ADGRE2: variants seen among roughly 807,000 people sequenced by gnomAD.
ADGRE2 encodes CD97 antigen.
In ADGRE2, 83 loss-of-function variants were observed where a neutral mutation model predicts 100.8. That is an observed-to-expected ratio of 0.82 (90% CI 0.69 to 0.99). The LOEUF (loss-of-function observed/expected upper bound fraction) is 0.99. Ranked by LOEUF, ADGRE2 falls within the 50% of genes least tolerant of loss-of-function variation. The pLI is 0.00. For missense variants in ADGRE2, 814 were observed against 1,035.7 expected, an observed-to-expected ratio of 0.79 and a Z score of 2.94; for synonymous variants, 355 against 413.0, an observed-to-expected ratio of 0.86 and a Z score of 1.70.
chr19:14,727,024 C>CTTTTTTTTT, the ADGRE2 span, among the ~76,000 whole-genome samples: 3 of 70,096 alleles, frequency 4.3e-5, no homozygotes, highest in Non-Finnish European at 7.4e-5. Context: ...AGAAAAGAGG[C>CTTTTTTTTT]TTTTTTTTTT....
chr19:14,772,196 A>G, intron 5 of ADGRE2, 146 bp downstream of exon 5: 2 of 1,203,768 alleles, frequency 1.7e-6, no homozygotes, highest in Non-Finnish European at 2.4e-6. Context: ...TGGGCTGGCG[A>G]AACAGGTACA....
chr19:14,760,007 A>T (rs904019349), intron 11 of ADGRE2, among the ~76,000 whole-genome samples: 5 of 151,798 alleles, frequency 3.3e-5, no homozygotes, highest in Non-Finnish European at 7.4e-5. Context: ...TTTAGTAGAG[A>T]TGGGGTTTCA....
the ADGRE2 span, among the ~76,000 whole-genome samples, chr19:14,724,712 G>A: frequency 8.1e-5 from 12 of 149,030 alleles, no homozygotes; most frequent in South Asian, 2.5e-3. Flanking sequence ...GTTGCAGTGA[G>A]CCGACATCAT....
At chr19:14,727,268 T>C in the ADGRE2 span, among the ~76,000 whole-genome samples, 1 of 152,128 alleles carries the variant, frequency 6.6e-6, no homozygotes, top group South Asian at 2.1e-4. Context: ...GACCTTGTGA[T>C]CCGCCCGCCT....
intron 14 of ADGRE2, among the ~76,000 whole-genome samples, 161 bp from the exon 15 acceptor site, chr19:14,752,687 T>A (rs2043338014): frequency 6.6e-6 from 1 of 152,106 alleles, no homozygotes; most frequent in Non-Finnish European, 1.5e-5. Context: ...TGCGAAGGTG[T>A]CACCCGAGCC....
chr19:14,751,581 T>C lies in ADGRE2; in HGVS notation c.1879A>G (p.Thr627Ala). The change falls in exon 16 of 21, where the codon ACT becomes GCT. Residue 627 changes from threonine (T) to alanine (A), a missense_variant. Physicochemically the swap from Thr to Ala is moderately conservative, Grantham distance 58 (BLOSUM62 0). Transcript: ENST00000315576. ...TTGACCACCGTCAGGTTCCGTGCAG[T>C]GAGGAAGAGGTACAGGGCCTCCAGC... ...MLLEALYLFL[T>A]ARNLTVVNYS... 4 of 1,613,874 alleles carry C rather than the reference T, an allele frequency of 2.5e-6. No individual in the cohort carries two copies. Among genetic ancestry groups the C allele is most frequent in the Non-Finnish European group, 3.4e-6 (4 of 1,179,976 alleles).
rs752221982 is a variant in ADGRE2, at chr19:14,746,292, C to T, written c.2123G>A (p.Trp708Ter). Residue 708 changes from tryptophan (W) to a stop codon, truncating the protein, a stop_gained, in exon 18 of 21, where the codon TGG becomes TAG. Coordinates refer to ENST00000315576, the MANE Select transcript of ADGRE2 (RefSeq NM_013447.4). LOFTEE classifies it high-confidence loss of function. ...VNLVLFLVTLWILKNRLSSLN... is the reference protein window; with the variant it reads ...VNLVLFLVTL ...GGAGGAGAGTCTGTTTTTCAAAATC[C>T]AGAGAGTCACCAGAAAGAGAACTAA... 1.5e-5 allele frequency: 24 copies of T among 1,609,826 alleles called. No homozygotes were observed. The highest frequency in any genetic ancestry group is 2.0e-5 in the Non-Finnish European group (24 of 1,176,732).
At position 14,755,699 on chromosome 19, in the gene ADGRE2, G is replaced by A; in HGVS notation, c.1371C>T (p.Asp457=). The change falls in exon 13 of 21, where the codon GAC becomes GAT. Residue 457 remains aspartate (D), a synonymous_variant. Transcript: ENST00000315576. ...DVISAFLSNN[D]TQNLSSPVTF... Reference sequence around the variant, plus strand: ...TAACTGGGGAGCTGAGGTTTTGGGTGTCGTTGTTGCTCAGAAAGGCAGAGA... The same window carrying A: ...TAACTGGGGAGCTGAGGTTTTGGGTATCGTTGTTGCTCAGAAAGGCAGAGA... 1 of 1,614,246 alleles carries A rather than the reference G, an allele frequency of 6.2e-7. No homozygotes were observed. The highest frequency in any genetic ancestry group is 8.5e-7 in the Non-Finnish European group (1 of 1,180,046).
downstream of ADGRE2, chr19:14,731,945 G>C (rs1261752462): frequency 6.6e-6 from 1 of 152,080 alleles, no homozygotes; most frequent in Admixed American, 6.5e-5. Flanking sequence ...CCCCAACCTC[G>C]TCTGTGTTTC....
Position 14,743,524 on chromosome 19 carries a change from C to G in ADGRE2, c.2359G>C (p.Glu787Gln). The G allele has an allele frequency of 6.2e-7, 1 of 1,614,038 alleles. No homozygotes were observed. The highest frequency in any genetic ancestry group is 8.5e-7 in the Non-Finnish European group (1 of 1,179,954). The change falls in exon 20 of 21, where the codon GAG (glutamate) becomes CAG (glutamine). Residue 787 changes from glutamate (E) to glutamine (Q), a missense_variant. By Grantham distance (29) the Glu-to-Gln change is conservative (BLOSUM62 2). Coordinates refer to ENST00000315576, the MANE Select transcript of ADGRE2 (RefSeq NM_013447.4). ...CCTTTGGACCATTTCCCATATTGCT[C>G]CCGGACCTGCAGAGGCAAAGTGTGT... Reference protein sequence around the residue: ...VYCLLSQQVREQYGKWSKGIR... With the variant: ...VYCLLSQQVRQQYGKWSKGIR...
intron 16 of ADGRE2, among the ~76,000 whole-genome samples, chr19:14,749,319 CA>C (rs2043190554): frequency 2.0e-5 from 1 of 49,938 alleles, no homozygotes; most frequent in Non-Finnish European, 4.4e-5. Context: ...ATGATATATA[CA>C]TATATAATAT....
At chr19:14,776,229 G>A (rs1335853231) in intron 2 of ADGRE2, among the ~76,000 whole-genome samples, 1 of 152,092 alleles carries the variant, frequency 6.6e-6, no homozygotes, top group Admixed American at 6.6e-5. Context: ...AGATTAGGGA[G>A]ATAGAGAGAC....
At chr19:14,749,483 ATTAT>A (rs1029995703) in intron 16 of ADGRE2, among the ~76,000 whole-genome samples, 50 of 139,174 alleles carry the variant, frequency 3.6e-4, no homozygotes, top group African/African-American at 2.6e-4. Context: ...ATGTAATATA[ATTAT>A]TTAGTTATGT....
intron 11 of ADGRE2, among the ~76,000 whole-genome samples, chr19:14,759,503 A>ATATTTTTTT (rs60789454): frequency 9.0e-5 from 12 of 133,370 alleles, no homozygotes; most frequent in African/African-American, 3.0e-4. Context: ...ATATATATAT[A>ATATTTTTTT]TTTTTTTTTT....
In ADGRE2 at chr19:14,733,590, CA is replaced by C. The variant is rs59229447; in HGVS notation, c.*2645del. The C allele has an allele frequency of 0.22, 34,011 of 151,696 alleles. 4,040 individuals carry two copies. Among genetic ancestry groups the C allele is most frequent in the Non-Finnish European group, 0.26 (17,683 of 67,906 alleles). The allele number at this position is 151,696 out of a possible 1,614,324, so 9.4% of individuals were successfully genotyped here. The stretch of plus-strand genomic sequence containing the variant: ...CACTCTCCCTCCCATATAAGCACAA[CA>C]AAAAAAACACAGAAGCAGTCCAAGC... On this transcript the variant is annotated 3_prime_UTR_variant, in exon 21 of 21. Transcript: ENST00000315576.
downstream of ADGRE2, chr19:14,731,407 G>A (rs142737601): frequency 8.1e-3 from 4,672 of 574,386 alleles, 40 homozygotes; most frequent in Middle Eastern, 0.02. Context: ...TCTGGCTTCC[G>A]GATTGTAGGT....
At chr19:14,770,463 C>A (rs1403691562) in intron 5 of ADGRE2, among the ~76,000 whole-genome samples, 1 of 151,974 alleles carries the variant, frequency 6.6e-6, no homozygotes, top group Non-Finnish European at 1.5e-5. Flanking sequence ...TCCTTTATAG[C>A]AACACAACAT....
At chr19:14,751,376 G>T in intron 16 of ADGRE2, 60 bp downstream of exon 16, 17 of 1,300,594 alleles carry the variant, frequency 1.3e-5, no homozygotes, top group Non-Finnish European at 1.9e-5. Flanking sequence ...TGCTATCTAG[G>T]TTCTAGCAAT....
chr19:14,726,851 C>G, the ADGRE2 span, among the ~76,000 whole-genome samples: 1 of 152,068 alleles, frequency 6.6e-6, no homozygotes, highest in Admixed American at 6.6e-5. Context: ...CCAAGAAGTT[C>G]CAAACTTTCT....
Sources: allele counts gnomAD v4.1 joint callset (sites outside exome capture counted in the v4.1 genomes callset), GRCh38; gene constraint gnomAD v4.1.1; transcripts MANE v1.5; gene names NCBI Gene and HGNC (gene_info 2026-07-23, HGNC 2026-07-21).